The following LMX1B variants were observed in gnomAD, a reference collection of about 807,000 sequenced individuals.
LMX1B encodes the protein LIM homeobox transcription factor 1-beta.
Under a neutral mutation model 51.4 loss-of-function variants are expected in LMX1B, and 12 were observed. The ratio of observed to expected loss-of-function variants is 0.23; its 90% confidence interval spans 0.15 to 0.38. LMX1B has a LOEUF of 0.38. LMX1B is among the 10% of genes least tolerant of loss of function. LMX1B has a pLI of 1.00. For synonymous variants in LMX1B, 237 were observed against 235.4 expected (o/e 1.01, Z -0.06); for missense variants, 445 against 571.1 (o/e 0.78, Z 2.25).
At chr9:126,656,383 TTAGATAGA>T (rs3052900) in intron 2 of LMX1B, among the ~76,000 whole-genome samples, 13,459 of 143,846 alleles carry the variant, frequency 0.094, 646 homozygotes, top group African/African-American at 0.12. Flanking sequence ...GATCTGGTCT[TTAGATAGA>T]TAGATAGATA....
chr9:126,694,253 G>C (rs2030250501), intron 6 of LMX1B, among the ~76,000 whole-genome samples: 1 of 152,122 alleles, frequency 6.6e-6, no homozygotes, highest in Non-Finnish European at 1.5e-5. Flanking sequence ...TGCAAGGGGG[G>C]GTATTGCCAT....
intron 2 of LMX1B, among the ~76,000 whole-genome samples, chr9:126,619,223 G>A (rs1412331622): frequency 6.6e-6 from 1 of 152,184 alleles, no homozygotes; most frequent in Non-Finnish European, 1.5e-5. Context: ...TCTGCCCTGC[G>A]CATTCCTTTC....
rs939824273 is a variant in LMX1B at position 126,658,671 on chromosome 9, G to A, written c.327-32165G>A. Among the ~76,000 whole-genome samples, 1 of 152,238 alleles carries A rather than the reference G, an allele frequency of 6.6e-6. No individual in the cohort carries two copies. Among genetic ancestry groups the A allele is most frequent in the Non-Finnish European group, 1.5e-5 (1 of 68,048 alleles). ...TAGTTAGGGGAAGGCCCCCGAACGAGGCAGCTTTATAAATGGCTTTTATCA... is the reference window on the plus strand; with the variant it reads ...TAGTTAGGGGAAGGCCCCCGAACGAAGCAGCTTTATAAATGGCTTTTATCA... On this transcript the variant is annotated intron_variant, in intron 2 of 7. Transcript: ENST00000373474. The surrounding 1 kb of genome is among the most constrained non-coding windows in gnomAD (Gnocchi z 4.0).
At chr9:126,616,210 A>G (rs1436595509) in intron 2 of LMX1B, among the ~76,000 whole-genome samples, 2 of 152,210 alleles carry the variant, frequency 1.3e-5, no homozygotes, top group Non-Finnish European at 2.9e-5. Flanking sequence ...GCAAGTTACA[A>G]TTTGGGGCTC....
At chr9:126,669,843 C>T (rs1224078813) in intron 2 of LMX1B, among the ~76,000 whole-genome samples, 1 of 152,148 alleles carries the variant, frequency 6.6e-6, no homozygotes, top group Non-Finnish European at 1.5e-5. Context: ...GCAGTCCGCT[C>T]CTCTGCCCTT....
Position 126,696,806 on chromosome 9 carries a change from G to T in LMX1B, c.*355G>T, listed in dbSNP as rs886063422. On this transcript the variant is annotated 3_prime_UTR_variant, in exon 8 of 8. Coordinates refer to ENST00000373474, the MANE Select transcript of LMX1B (RefSeq NM_001174147.2). ...CTATTTTTTTAAATGTCCTCTCTGT[G>T]TCCATGGCCCTCCATGCAAGCCCCA... 2.8e-4 allele frequency: 102 copies of T among 358,568 alleles called. No homozygotes were observed. The highest frequency in any genetic ancestry group is 5.0e-4 in the Non-Finnish European group (95 of 188,780). 22.2% of individuals were successfully genotyped at this position (358,568 alleles called of 1,614,324 possible). A position where few individuals can be genotyped will look rare whatever the true frequency, so the allele number is the denominator to read the frequency against.
intron 2 of LMX1B, among the ~76,000 whole-genome samples, chr9:126,644,044 C>A (rs1402265990): frequency 6.6e-6 from 1 of 152,136 alleles, no homozygotes; most frequent in African/African-American, 2.4e-5. Context: ...CCCGCACTGC[C>A]CAGCAGCAGA....
chr9:126,622,785 G>A (rs1348012959), intron 2 of LMX1B, among the ~76,000 whole-genome samples: 1 of 152,212 alleles, frequency 6.6e-6, no homozygotes, highest in Non-Finnish European at 1.5e-5. Flanking sequence ...CCTGGGTGGG[G>A]CACATTTTCT....
chr9:126,634,129 C>T (rs10117797), intron 2 of LMX1B, among the ~76,000 whole-genome samples: 127,143 of 152,172 alleles, frequency 0.84, 53,814 homozygotes, highest in Non-Finnish European at 0.92. Context: ...ACTGGAATAA[C>T]GCCAGGACTC....
chr9:126,627,577 C>T (rs1285167039), intron 2 of LMX1B, among the ~76,000 whole-genome samples: 1 of 152,056 alleles, frequency 6.6e-6, no homozygotes, highest in Non-Finnish European at 1.5e-5. Flanking sequence ...GAGCCTGCTC[C>T]CCTTCTTTCC....
chr9:126,630,489 C>T (rs1835614304), intron 2 of LMX1B, among the ~76,000 whole-genome samples: 1 of 152,162 alleles, frequency 6.6e-6, no homozygotes, highest in Non-Finnish European at 1.5e-5. Context: ...GGCATGGCGT[C>T]ATCCCTTCCA....
intron 2 of LMX1B, among the ~76,000 whole-genome samples, chr9:126,637,953 C>A (rs961859039): frequency 6.6e-6 from 1 of 152,028 alleles, no homozygotes; most frequent in African/African-American, 2.4e-5. Flanking sequence ...CCCCCTCCGA[C>A]CATGGGCCCT....
At chr9:126,688,977 C>G (rs1358171898) in intron 2 of LMX1B, among the ~76,000 whole-genome samples, 3 of 152,236 alleles carry the variant, frequency 2.0e-5, no homozygotes, top group Non-Finnish European at 4.4e-5. Flanking sequence ...GAGTTACATG[C>G]TCAGCATCCT....
intron 2 of LMX1B, among the ~76,000 whole-genome samples, chr9:126,688,383 TG>T (rs1345009377): frequency 6.6e-6 from 1 of 152,216 alleles, no homozygotes; most frequent in African/African-American, 2.4e-5. Flanking sequence ...GTGCTGACCC[TG>T]GCCTGGGACC....
chr9:126,616,617 G>A (rs1388626810), intron 2 of LMX1B, among the ~76,000 whole-genome samples: 1 of 152,236 alleles, frequency 6.6e-6, no homozygotes, highest in African/African-American at 2.4e-5. Context: ...AGAGCGGGTA[G>A]GCTGCTTAGG....
intron 2 of LMX1B, among the ~76,000 whole-genome samples, chr9:126,643,375 A>G (rs576201403): frequency 1.3e-5 from 2 of 152,272 alleles, no homozygotes; most frequent in South Asian, 4.1e-4. Flanking sequence ...GGCATGGTGC[A>G]GTGGGTCATG....
Position 126,690,914 on chromosome 9 carries a change from G to T in LMX1B, c.405G>T (p.Val135=). The change falls in exon 3 of 8, where the codon GTG becomes GTT. Residue 135 remains valine, a synonymous_variant. Coordinates refer to ENST00000373474, the MANE Select transcript of LMX1B (RefSeq NM_001174147.2). ...TEFVMRALEC[V]YHLGCFCCCV... ...TCGTGATGCGGGCGCTGGAGTGCGT[G>T]TACCACCTGGGCTGCTTCTGCTGCT... The T allele has an allele frequency of 6.2e-7, 1 of 1,614,080 alleles. No individual in the cohort carries two copies. The highest frequency in any genetic ancestry group is 8.5e-7 in the Non-Finnish European group (1 of 1,179,988).
At chr9:126,652,452 C>T (rs562215908) in intron 2 of LMX1B, among the ~76,000 whole-genome samples, 17 of 152,350 alleles carry the variant, frequency 1.1e-4, no homozygotes, top group African/African-American at 3.6e-4. Flanking sequence ...GGGGTGCGGC[C>T]GCATGGGCGG....
intron 2 of LMX1B, among the ~76,000 whole-genome samples, chr9:126,643,116 T>C (rs1342793648): frequency 6.6e-6 from 1 of 152,106 alleles, no homozygotes; most frequent in Non-Finnish European, 1.5e-5. Flanking sequence ...CTTCACAGCT[T>C]GTTATCCCGG....
Sources: allele counts gnomAD v4.1 joint callset (sites outside exome capture counted in the v4.1 genomes callset), GRCh38; gene constraint gnomAD v4.1.1; non-coding constraint Gnocchi (gnomAD v3.1); transcripts MANE v1.5; gene names NCBI Gene and HGNC (gene_info 2026-07-23, HGNC 2026-07-21).